PROM1: variants seen among roughly 807,000 people sequenced by gnomAD.
The protein encoded by PROM1 is prominin-1.
Under a neutral mutation model 116.9 loss-of-function variants are expected in PROM1, and 105 were observed. The ratio of observed to expected loss-of-function variants is 0.90; its 90% CI spans 0.77 to 1.06. PROM1 has a LOEUF of 1.06. Among genes scored for constraint, PROM1 ranks in the 50% least tolerant of loss-of-function variants. The pLI is 0.00. For synonymous variants in PROM1, 393 were observed against 387.0 expected (o/e 1.02, Z -0.18); for missense variants, 1,122 against 1,045.2 (o/e 1.07, Z -1.01).
intron 16 of PROM1, 88 bp downstream of exon 16, chr4:15,993,898 AT>A: frequency 6.5e-7 from 1 of 1,549,056 alleles, no homozygotes; most frequent in Middle Eastern, 1.8e-4. Context: ...TCTTTTGCAA[AT>A]TTCATCTCAA....
chr4:15,984,152 GT>G (rs1718679159), intron 23 of PROM1, 110 bp downstream of exon 23: 1 of 906,280 alleles, frequency 1.1e-6, no homozygotes, highest in Non-Finnish European at 1.7e-6. Context: ...TACATTTTAG[GT>G]TTTGGATTCT....
intron 1 of PROM1, among the ~76,000 whole-genome samples, chr4:16,082,891 G>A (rs1026052153): frequency 1.3e-5 from 2 of 152,008 alleles, no homozygotes; most frequent in Non-Finnish European, 2.9e-5. Flanking sequence ...GTCTGTCCAC[G>A]CTCCTCTTTG....
chr4:16,057,285 TC>T (rs1739271624), intron 2 of PROM1, among the ~76,000 whole-genome samples: 2 of 152,184 alleles, frequency 1.3e-5, no homozygotes, highest in Admixed American at 6.5e-5. Flanking sequence ...TCAGCCAGTT[TC>T]CAAGAGGATA....
chr4:15,972,397 T>C (rs1714815498), intron 26 of PROM1, among the ~76,000 whole-genome samples: 1 of 152,154 alleles, frequency 6.6e-6, no homozygotes, highest in Non-Finnish European at 1.5e-5. Flanking sequence ...CATCATCCCA[T>C]AATGGAAGGG....
At chr4:16,051,652 T>C (rs1407842432) in intron 2 of PROM1, among the ~76,000 whole-genome samples, 2 of 152,154 alleles carry the variant, frequency 1.3e-5, no homozygotes, top group Non-Finnish European at 2.9e-5. Flanking sequence ...CTGTAAAGTG[T>C]CTTCCCCTTT....
chr4:16,063,983 C>T (rs1740934528), intron 2 of PROM1, among the ~76,000 whole-genome samples: 1 of 152,132 alleles, frequency 6.6e-6, no homozygotes, highest in Non-Finnish European at 1.5e-5. Flanking sequence ...TCTCCTCCTA[C>T]TTTTATACAT....
intron 1 of PROM1, among the ~76,000 whole-genome samples, chr4:16,077,564 C>A (rs369957362): frequency 2.6e-5 from 4 of 152,136 alleles, no homozygotes; most frequent in African/African-American, 9.7e-5. Flanking sequence ...GTGTCTTTTT[C>A]TTTTCCAAGT....
In PROM1 at chr4:15,984,279, T is replaced by C. The variant is rs1490609449; in HGVS notation, c.2357A>G (p.Tyr786Cys). 2 of 1,603,886 alleles carry C rather than the reference T, an allele frequency of 1.2e-6. No individual in the cohort carries two copies. The highest frequency in any genetic ancestry group is 4.5e-5 in the East Asian group (2 of 44,776). The change falls in exon 23 of 28, where the codon TAC becomes TGC. Residue 786 changes from tyrosine to cysteine, a missense_variant. Tyr to Cys is a radical substitution (Grantham distance 194). Coordinates refer to ENST00000447510, the MANE Select transcript of PROM1 (RefSeq NM_006017.3). ...DTAVDVFLCSYIIDPLNLFWF... is the reference protein window; with the variant it reads ...DTAVDVFLCSCIIDPLNLFWF... ...AAATCTTACCAAGGGGTCGATAATG[T>C]AGCTACACAGAAAGACATCAACAGC...
intron 2 of PROM1, among the ~76,000 whole-genome samples, chr4:16,050,059 G>A (rs917660069): frequency 3.3e-5 from 5 of 151,874 alleles, no homozygotes; most frequent in Admixed American, 1.3e-4. Context: ...TCAGGAGTTC[G>A]AGACCAGCCT....
At chr4:15,990,886 C>T (rs1373456150) in intron 18 of PROM1, among the ~76,000 whole-genome samples, 1 of 152,246 alleles carries the variant, frequency 6.6e-6, no homozygotes, top group Non-Finnish European at 1.5e-5. Flanking sequence ...GACTACAAAA[C>T]TGTCCCTAGG....
chr4:16,056,889 G>C (rs1178903298), intron 2 of PROM1, among the ~76,000 whole-genome samples: 2 of 152,236 alleles, frequency 1.3e-5, no homozygotes, highest in East Asian at 3.9e-4. Flanking sequence ...GCCTCAGCTG[G>C]GAGAGGGCAG....
chr4:16,073,457 A>G (rs1743260025), intron 2 of PROM1, among the ~76,000 whole-genome samples: 1 of 152,202 alleles, frequency 6.6e-6, no homozygotes, highest in African/African-American at 2.4e-5. Context: ...TGTCCTCTAC[A>G]TTGCAAAGCA....
intron 2 of PROM1, among the ~76,000 whole-genome samples, chr4:16,044,993 C>T (rs972086151): frequency 7.2e-5 from 11 of 152,138 alleles, no homozygotes; most frequent in Non-Finnish European, 1.3e-4. Context: ...AGCACAGTGC[C>T]TGGTATATAA....
At chr4:16,005,682 G>T (rs1725293705) in intron 13 of PROM1, among the ~76,000 whole-genome samples, 1 of 152,132 alleles carries the variant, frequency 6.6e-6, no homozygotes, top group Admixed American at 6.5e-5. Context: ...TCAGGTTTTG[G>T]TTCTTCACTC....
chr4:15,989,065 C>A (rs1288490681), intron 19 of PROM1, among the ~76,000 whole-genome samples: 1 of 152,140 alleles, frequency 6.6e-6, no homozygotes, highest in African/African-American at 2.4e-5. Flanking sequence ...TTACTGAGAT[C>A]CTCTGAGGTC....
chr4:15,979,998 T>C (rs1451540322), intron 24 of PROM1, 94 bp from the exon 25 acceptor site: 1 of 768,452 alleles, frequency 1.3e-6, no homozygotes, highest in Non-Finnish European at 2.1e-6. Context: ...CTAACACGGA[T>C]ACTGACAGTG....
intron 20 of PROM1, among the ~76,000 whole-genome samples, chr4:15,986,480 C>A (rs1719441534): frequency 6.6e-6 from 1 of 152,106 alleles, no homozygotes; most frequent in Non-Finnish European, 1.5e-5. Context: ...CCTCTGCCAA[C>A]CCACATGGCA....
At chr4:16,069,593 T>A (rs1250206353) in intron 2 of PROM1, among the ~76,000 whole-genome samples, 1 of 152,236 alleles carries the variant, frequency 6.6e-6, no homozygotes, top group African/African-American at 2.4e-5. Flanking sequence ...TTTCTCAATA[T>A]GCCACAAGCT....
chr4:16,058,171 G>A (rs948931274), intron 2 of PROM1, among the ~76,000 whole-genome samples: 2 of 152,198 alleles, frequency 1.3e-5, no homozygotes, highest in African/African-American at 2.4e-5. Flanking sequence ...TGAGGAGAGA[G>A]TGAAGGGGCC....
Sources: allele counts gnomAD v4.1 joint callset (sites outside exome capture counted in the v4.1 genomes callset), GRCh38; gene constraint gnomAD v4.1.1; transcripts MANE v1.5; gene names NCBI Gene and HGNC (gene_info 2026-07-23, HGNC 2026-07-21).